RSPH14: variants seen among roughly 807,000 people sequenced by gnomAD.
RSPH14 encodes rhabdoid tumor deletion region gene 1.
Under a neutral mutation model 26.7 loss-of-function variants are expected in RSPH14, and 20 were observed. The observed-to-expected ratio is 0.75, with a 90% CI of 0.53 to 1.09. RSPH14 has a LOEUF of 1.09. RSPH14 is among the 50% of genes least tolerant of loss of function. The pLI is 0.00. For synonymous variants in RSPH14, 177 were observed against 189.3 expected, an observed-to-expected ratio of 0.93 and a Z score of 0.53; for missense variants, 449 against 457.2, an observed-to-expected ratio of 0.98 and a Z score of 0.16.
At chr22:23,171,560 C>T in the RSPH14 span, among the ~76,000 whole-genome samples, 2 of 151,982 alleles carry the variant, frequency 1.3e-5, no homozygotes, top group Non-Finnish European at 2.9e-5. Flanking sequence ...TAATATTATT[C>T]ATGCTGAGCG....
At chr22:23,067,421 C>T (rs1187744916) in intron 4 of RSPH14, among the ~76,000 whole-genome samples, 1 of 152,202 alleles carries the variant, frequency 6.6e-6, no homozygotes, top group African/African-American at 2.4e-5. Flanking sequence ...TGGTCGCAGC[C>T]ACACCCTTTC....
At chr22:23,146,495 A>G, upstream of RSPH14, 2 of 1,450,818 alleles carry the variant, frequency 1.4e-6, no homozygotes, top group Non-Finnish European at 1.8e-6. Flanking sequence ...TACAGGCATG[A>G]GCCACTGCAC....
chr22:23,157,423 T>TG, the RSPH14 span, among the ~76,000 whole-genome samples: 1 of 151,918 alleles, frequency 6.6e-6, no homozygotes, highest in Non-Finnish European at 1.5e-5. Flanking sequence ...GCTAATTTTT[T>TG]TGTGTGTGTG....
chr22:23,075,269 A>G (rs926041376), intron 4 of RSPH14, among the ~76,000 whole-genome samples: 3 of 152,124 alleles, frequency 2.0e-5, no homozygotes, highest in African/African-American at 7.2e-5. Flanking sequence ...AGTCAGTCAC[A>G]CCCAGCCTGT....
intron 1 of RSPH14, 51 bp from the exon 2 acceptor site, chr22:23,140,523 C>A: frequency 6.7e-7 from 1 of 1,498,726 alleles, no homozygotes; most frequent in Non-Finnish European, 8.9e-7. Flanking sequence ...TTAAAAGCTA[C>A]TTCTCATCTG....
the RSPH14 span, chr22:23,161,884 C>T: frequency 2.8e-6 from 1 of 359,812 alleles, no homozygotes; most frequent in South Asian, 3.0e-5. Context: ...CTCAAGAGGC[C>T]TCAGAACTGC....
In RSPH14 at chr22:23,098,068, C is replaced by G. The variant is rs183029759; in HGVS notation, c.422-33935G>C. Among the ~76,000 whole-genome samples the G allele has an allele frequency of 4.9e-3, 752 of 152,324 alleles. 6 individuals carry two copies. The highest frequency in any genetic ancestry group is 0.02 in the Middle Eastern group (6 of 294). Reference sequence around the variant, plus strand: ...CTGAACTTGTCAGTGAGGAGATGACCCAGGTGTCTTCACAGATGGGCCCAA... The same window carrying G: ...CTGAACTTGTCAGTGAGGAGATGACGCAGGTGTCTTCACAGATGGGCCCAA... On this transcript the variant is annotated intron_variant, in intron 4 of 6. Transcript: ENST00000216036.
chr22:23,063,209 G>A (rs1866179967), intron 5 of RSPH14, among the ~76,000 whole-genome samples: 1 of 152,214 alleles, frequency 6.6e-6, no homozygotes, highest in Non-Finnish European at 1.5e-5. Context: ...GGTGGCTTGG[G>A]TCCGGGGCCC....
At chr22:23,126,762 C>T (rs951118427) in intron 4 of RSPH14, among the ~76,000 whole-genome samples, 1 of 152,214 alleles carries the variant, frequency 6.6e-6, no homozygotes, top group Non-Finnish European at 1.5e-5. Context: ...GCCAGCCCTG[C>T]CCACTGCAGG....
upstream of RSPH14, among the ~76,000 whole-genome samples, chr22:23,143,648 A>G (rs945006366): frequency 6.6e-6 from 1 of 152,190 alleles, no homozygotes; most frequent in African/African-American, 2.4e-5. Context: ...GTATAAAAGC[A>G]TCTTGCTTTG....
intron 2 of RSPH14, 25 bp from the exon 3 acceptor site, chr22:23,138,967 A>G (rs745973355): frequency 6.6e-7 from 1 of 1,513,352 alleles, no homozygotes; most frequent in Admixed American, 2.1e-5. Context: ...AAAAACAAAC[A>G]AACCAACCCT....
chr22:23,168,287 C>T, the RSPH14 span, among the ~76,000 whole-genome samples: 3 of 152,160 alleles, frequency 2.0e-5, no homozygotes, highest in Admixed American at 1.3e-4. Context: ...AAGTCCTGGG[C>T]CCCCGGGGAT....
the RSPH14 span, among the ~76,000 whole-genome samples, chr22:23,167,691 ACT>A: frequency 3.3e-5 from 5 of 151,244 alleles, no homozygotes; most frequent in South Asian, 1.0e-3. Context: ...TCATTCATTA[ACT>A]CTTTTTTTAA....
chr22:23,140,462 G>A lies in RSPH14; in HGVS notation c.-42C>T, dbSNP rs761729329. The A allele has an allele frequency of 1.2e-6, 2 of 1,606,024 alleles. No individual in the cohort carries two copies. The highest frequency in any genetic ancestry group is 4.5e-5 in the East Asian group (2 of 44,782). ...AGGCCTTTCCAAATGAAGCTCTGCA[G>A]AAACCACTCACTAAAAGAGACCAAA... is the stretch of plus-strand genomic sequence containing the variant. On this transcript the variant is annotated 5_prime_UTR_variant, in exon 2 of 7. Coordinates refer to ENST00000216036, the MANE Select transcript of RSPH14 (RefSeq NM_014433.3).
At chr22:23,163,449 C>T in the RSPH14 span, 15 of 147,894 alleles carry the variant, frequency 1.0e-4, no homozygotes, top group African/African-American at 3.0e-4. Flanking sequence ...AGGATGGTCT[C>T]GATGATCTGA....
intron 4 of RSPH14, among the ~76,000 whole-genome samples, chr22:23,093,195 T>G (rs925072950): frequency 6.6e-6 from 1 of 152,224 alleles, no homozygotes; most frequent in Non-Finnish European, 1.5e-5. Context: ...CATTCTCAGA[T>G]GTAATTTTCA....
intron 4 of RSPH14, among the ~76,000 whole-genome samples, chr22:23,107,595 G>A (rs1216169535): frequency 6.6e-6 from 1 of 152,118 alleles, no homozygotes; most frequent in Admixed American, 6.5e-5. Context: ...CAGCAGCTGG[G>A]GTGTAGGGAG....
Position 23,087,532 on chromosome 22 carries a change from G to A in RSPH14, c.422-23399C>T, listed in dbSNP as rs182713026. Among the ~76,000 whole-genome samples the A allele has an allele frequency of 9.2e-5, 14 of 152,286 alleles. No individual in the cohort carries two copies. In the East Asian group the frequency reaches 2.3e-3, roughly 25 times the overall value. Reference sequence around the variant, plus strand: ...CTAGACAGAGCCGATTCTTCAAGACGAGAATTGCAATAGAGAAAGAGTAAT... The same window carrying A: ...CTAGACAGAGCCGATTCTTCAAGACAAGAATTGCAATAGAGAAAGAGTAAT... On this transcript the variant is annotated intron_variant, in intron 4 of 6. Transcript: ENST00000216036.
intron 4 of RSPH14, among the ~76,000 whole-genome samples, chr22:23,109,975 C>T (rs929213869): frequency 2.6e-5 from 4 of 152,218 alleles, no homozygotes; most frequent in Admixed American, 6.5e-5. Context: ...AGTCATTAAC[C>T]CTCAATCCAA....
Sources: allele counts gnomAD v4.1 joint callset (sites outside exome capture counted in the v4.1 genomes callset), GRCh38; gene constraint gnomAD v4.1.1; transcripts MANE v1.5; gene names NCBI Gene and HGNC (gene_info 2026-07-23, HGNC 2026-07-21).